The following CSMD3 variants were observed in gnomAD, a reference collection of about 807,000 sequenced individuals.
The protein encoded by CSMD3 is CUB and Sushi multiple domains 3, also known as CUB and sushi domain-containing protein 3.
Under a neutral mutation model 435.2 loss-of-function variants are expected in CSMD3, and 177 were observed. The observed-to-expected ratio is 0.41, with a 90% confidence interval of 0.36 to 0.46. The LOEUF is 0.46. Among genes scored for constraint, CSMD3 ranks in the 20% least tolerant of loss-of-function variants. CSMD3 has a pLI of 0.34. For synonymous variants in CSMD3, 1,656 were observed against 1,520.5 expected, an observed-to-expected ratio of 1.09 and a Z score of -2.07; for missense variants, 4,265 against 4,504.6, an observed-to-expected ratio of 0.95 and a Z score of 1.52.
At chr8:113,233,336 C>G (rs17840621) in intron 3 of CSMD3, among the ~76,000 whole-genome samples, 45,616 of 150,784 alleles carry the variant, frequency 0.3, 7,989 homozygotes, top group East Asian at 0.7. Flanking sequence ...TCTAAGATTC[C>G]TTTTAATAAT....
intron 3 of CSMD3, among the ~76,000 whole-genome samples, chr8:113,204,658 T>C (rs937445850): frequency 2.0e-5 from 3 of 152,150 alleles, no homozygotes; most frequent in African/African-American, 7.2e-5. Flanking sequence ...TCATGGTAAG[T>C]GCCCTCTACA....
At chr8:112,292,219 C>A (rs1024853892) in intron 55 of CSMD3, among the ~76,000 whole-genome samples, 38 of 152,070 alleles carry the variant, frequency 2.5e-4, no homozygotes, top group African/African-American at 9.2e-4. Context: ...TAAAAATAAT[C>A]TCAATTACTT....
At chr8:112,945,588 A>ATATGTG (rs112339651) in intron 9 of CSMD3, among the ~76,000 whole-genome samples, 14 of 140,688 alleles carry the variant, frequency 1.0e-4, no homozygotes, top group South Asian at 4.7e-4. Context: ...ATACAGAAAT[A>ATATGTG]TGTGTGTGTG....
chr8:112,555,767 TA>T (rs1416657903), intron 25 of CSMD3, among the ~76,000 whole-genome samples: 1 of 152,050 alleles, frequency 6.6e-6, no homozygotes, highest in Non-Finnish European at 1.5e-5. Context: ...TGGCAATTCC[TA>T]TGCTGACCAC....
At chr8:112,321,112 T>C (rs528249416) in intron 45 of CSMD3, among the ~76,000 whole-genome samples, 116 of 152,220 alleles carry the variant, frequency 7.6e-4, no homozygotes, top group African/African-American at 2.7e-3. Context: ...TGTACTATAC[T>C]CATATTCATT....
intron 10 of CSMD3, among the ~76,000 whole-genome samples, chr8:112,899,765 C>A (rs1011890510): frequency 6.8e-6 from 1 of 147,180 alleles, no homozygotes; most frequent in African/African-American, 2.5e-5. Flanking sequence ...TCTCAACAAT[C>A]TGGCAGTCAA....
chr8:112,916,261 T>G (rs867154704), intron 10 of CSMD3, among the ~76,000 whole-genome samples: 12 of 151,968 alleles, frequency 7.9e-5, no homozygotes, highest in Middle Eastern at 6.8e-3. Context: ...AGGGCACCCT[T>G]GAAATGCAAA....
chr8:113,089,095 T>C (rs1300558134), intron 5 of CSMD3, among the ~76,000 whole-genome samples: 1 of 152,142 alleles, frequency 6.6e-6, no homozygotes, highest in Non-Finnish European at 1.5e-5. Context: ...TGGAGTACCA[T>C]GGCAGTGAAC....
intron 9 of CSMD3, among the ~76,000 whole-genome samples, chr8:112,934,588 T>A (rs2083219697): frequency 6.6e-6 from 1 of 152,144 alleles, no homozygotes; most frequent in Admixed American, 6.6e-5. Flanking sequence ...GAGCATAAAA[T>A]GAGGGTGGTA....
chr8:112,300,002 A>G (rs1736283681), intron 53 of CSMD3, among the ~76,000 whole-genome samples: 1 of 150,952 alleles, frequency 6.6e-6, no homozygotes, highest in Non-Finnish European at 1.5e-5. Context: ...ATACACAATA[A>G]CAATTCATGA....
chr8:112,317,460 T>C (rs1822580961), intron 47 of CSMD3, among the ~76,000 whole-genome samples: 1 of 152,026 alleles, frequency 6.6e-6, no homozygotes, highest in Non-Finnish European at 1.5e-5. Context: ...CTCAACTTTT[T>C]TTCCCATGTA....
At chr8:112,886,080 T>C (rs1368559319) in intron 10 of CSMD3, among the ~76,000 whole-genome samples, 2 of 151,728 alleles carry the variant, frequency 1.3e-5, no homozygotes, top group African/African-American at 4.8e-5. Context: ...CTTCCATATA[T>C]TCAAAATATC....
In CSMD3 at chr8:113,095,436, G is replaced by C. The variant is rs77047128; in HGVS notation, c.917+3320C>G. Among the ~76,000 whole-genome samples the C allele has an allele frequency of 2.9e-3, 440 of 152,184 alleles. 4 individuals carry two copies. In the East Asian group the frequency reaches 0.033, roughly 11 times the overall value. ...TTCTTTCTTCAAACCCCTCCAGTCA[G>C]CCTATCACCTACAAAATTACTTTCA... is the stretch of plus-strand genomic sequence containing the variant. On this transcript the variant is annotated intron_variant, in intron 5 of 70. Coordinates refer to ENST00000297405, the MANE Select transcript of CSMD3 (RefSeq NM_198123.2).
At chr8:112,705,324 A>G (rs1322486052) in intron 13 of CSMD3, among the ~76,000 whole-genome samples, 2 of 151,960 alleles carry the variant, frequency 1.3e-5, no homozygotes, top group African/African-American at 4.8e-5. Flanking sequence ...TGCTAAAATA[A>G]TCTCTACCTT....
chr8:113,014,428 TTGG>T (rs2086375763), intron 6 of CSMD3, among the ~76,000 whole-genome samples: 2 of 151,884 alleles, frequency 1.3e-5, no homozygotes, highest in Admixed American at 1.3e-4. Context: ...GTGGGGCTGA[TTGG>T]CAGCCCCACC....
rs755097432 is a variant in CSMD3 at position 112,224,789 on chromosome 8, C to T, written c.11106G>A (p.Thr3702=). 1.9e-5 allele frequency: 30 copies of T among 1,613,850 alleles called. No individual in the cohort carries two copies. Among genetic ancestry groups the T allele is most frequent in the Non-Finnish European group, 2.3e-5 (27 of 1,179,908 alleles). ...TGCCTCGTTATACCATTGTGCAAACCGTGTTCAAGTTGGGATCAAATCGTA... is the reference window on the plus strand; with the variant it reads ...TGCCTCGTTATACCATTGTGCAAACTGTGTTCAAGTTGGGATCAAATCGTA... ...KAVRFDPNLN[T]VCTMV Residue 3702 remains threonine, a synonymous_variant, in exon 71 of 71, where the codon ACG becomes ACA. Coordinates refer to ENST00000297405, the MANE Select transcript of CSMD3 (RefSeq NM_198123.2).
intron 1 of CSMD3, among the ~76,000 whole-genome samples, chr8:113,422,751 GA>G (rs375804522): frequency 1.4e-3 from 220 of 151,752 alleles, no homozygotes; most frequent in African/African-American, 4.8e-3. Context: ...AGAGAGAGAC[GA>G]AAAAAAATGT....
chr8:113,089,886 TAAA>T (rs2089942931), intron 5 of CSMD3, among the ~76,000 whole-genome samples: 1 of 151,866 alleles, frequency 6.6e-6, no homozygotes, highest in Non-Finnish European at 1.5e-5. Context: ...TAAAATAAAA[TAAA>T]AAAGAAAGCA....
chr8:113,137,894 C>T (rs770431918), intron 4 of CSMD3, among the ~76,000 whole-genome samples: 1 of 151,550 alleles, frequency 6.6e-6, no homozygotes, highest in Admixed American at 6.6e-5. Flanking sequence ...TACATCCAAA[C>T]CCTATAGAAT....
Sources: allele counts gnomAD v4.1 joint callset (sites outside exome capture counted in the v4.1 genomes callset), GRCh38; gene constraint gnomAD v4.1.1; transcripts MANE v1.5; gene names NCBI Gene and HGNC (gene_info 2026-07-23, HGNC 2026-07-21).